VSIG10L: variants seen among roughly 807,000 people sequenced by gnomAD.
VSIG10L encodes V-set and immunoglobulin domain-containing protein 10-like.
In VSIG10L, 63 loss-of-function variants were observed where a neutral mutation model predicts 67.3. That is an observed-to-expected ratio of 0.94 (90% CI 0.76 to 1.15). VSIG10L has a LOEUF of 1.15. Among genes scored for constraint, VSIG10L ranks in the 50% most tolerant of loss-of-function variants. VSIG10L has a pLI of 0.00. For synonymous variants in VSIG10L, 499 were observed against 524.9 expected (o/e 0.95, Z 0.67); for missense variants, 1,050 against 1,177.5 (o/e 0.89, Z 1.58).
In VSIG10L at chr19:51,341,864, C is replaced by T; in HGVS notation, c.184G>A (p.Val62Ile). 6.4e-7 allele frequency: 1 copy of T among 1,551,666 alleles called. No homozygotes were observed. The highest frequency in any genetic ancestry group is 1.4e-5 in the African/African-American group (1 of 73,146). ...VPSIKPPSWK[V>I]PDQFLDSKAS... ...TTTGAATCCAGGAACTGATCTGGAACTTTCCAGCTGGGAGGTTTGATGGAG... is the reference window on the plus strand; with the variant it reads ...TTTGAATCCAGGAACTGATCTGGAATTTTCCAGCTGGGAGGTTTGATGGAG... The change falls in exon 2 of 10, where the codon GTT becomes ATT. Residue 62 changes from valine to isoleucine, a missense_variant. Transcript: ENST00000335624.
chr19:51,338,887 C>T lies in VSIG10L; in HGVS notation c.1729+1G>A. 1 of 1,388,300 alleles carries T rather than the reference C, an allele frequency of 7.2e-7. No individual in the cohort carries two copies. 86.0% of individuals were successfully genotyped at this position (1,388,300 alleles called of 1,614,324 possible). A position where few individuals can be genotyped will look rare whatever the true frequency, so the allele number is the denominator to read the frequency against. ...AGCAAAAAAGCCCCGCGCCCTCTCA[C>T]CCGGCGTGACTGTGCAGGTACGCGT... On this transcript the variant is annotated splice_donor_variant, in intron 5 of 9. Transcript: ENST00000335624. LOFTEE classifies it high-confidence loss of function.
rs571601038 is a variant in VSIG10L at position 51,334,682 on chromosome 19, C to T, written c.2306-378G>A. ...GGGGGACAGGTGTGGTGGCTCACAC[C>T]TGTGATTCCCAACACTTTGGGAGGT... On this transcript the variant is annotated intron_variant, in intron 7 of 9. Coordinates refer to ENST00000335624, the MANE Select transcript of VSIG10L (RefSeq NM_001163922.3). Among the ~76,000 whole-genome samples, 3 of 152,264 alleles carry T rather than the reference C, an allele frequency of 2.0e-5. No homozygotes were observed. In the East Asian group the frequency reaches 5.8e-4, roughly 29 times the overall value.
At position 51,340,737 on chromosome 19, in the gene VSIG10L, G is replaced by A; in HGVS notation, c.896-11C>T. 2 of 1,480,132 alleles carry A rather than the reference G, an allele frequency of 1.4e-6. No individual in the cohort carries two copies. Among genetic ancestry groups the A allele is most frequent in the Non-Finnish European group, 1.8e-6 (2 of 1,118,172 alleles). 91.7% of individuals were successfully genotyped at this position (1,480,132 alleles called of 1,614,324 possible). ...GCTGGGGTAGGGGCTCTGGGAGAGG[G>A]AGAATGGGCTCAGGACCCACCCAGT... On this transcript the variant is annotated splice_polypyrimidine_tract_variant and intron_variant, in intron 2 of 9. Coordinates refer to ENST00000335624, the MANE Select transcript of VSIG10L (RefSeq NM_001163922.3). This position sits in a 1 kb window ranked among gnomAD's most constrained non-coding sequence, Gnocchi z 6.3.
intron 7 of VSIG10L, 124 bp downstream of exon 7, chr19:51,337,114 T>C: frequency 8.1e-7 from 1 of 1,237,068 alleles, no homozygotes; most frequent in South Asian, 1.6e-5. Context: ...AGAGAAGAAA[T>C]TCCTGTAGTC....
chr19:51,338,919 C>T lies in VSIG10L; in HGVS notation c.1698G>A (p.Leu566=), dbSNP rs763818812. ...GVPITCLARH[L]VATRTCTVTP... The stretch of plus-strand genomic sequence containing the variant: ...TGACTGTGCAGGTACGCGTGGCCAC[C>T]AGGTGGCGAGCAAGGCAGGTGATGG... Residue 566 remains leucine, a synonymous_variant, in exon 5 of 10, where the codon CTG becomes CTA. Transcript: ENST00000335624. 13 of 1,444,232 alleles carry T rather than the reference C, an allele frequency of 9.0e-6. No homozygotes were observed. In the South Asian group the frequency reaches 1.7e-4, roughly 19 times the overall value. The allele number at this position is 1,444,232 out of a possible 1,614,324, so 89.5% of individuals were successfully genotyped here.
Position 51,337,370 on chromosome 19 carries a change from T to G in VSIG10L, c.2173A>C (p.Ile725Leu). 9 of 1,551,620 alleles carry G rather than the reference T, an allele frequency of 5.8e-6. No homozygotes were observed. The highest frequency in any genetic ancestry group is 1.2e-5 in the South Asian group (1 of 84,056). ...GCTGACCGCTCCTGAGGCCCCAGGA[T>G]GAGCAGGGAGACCCAGTCCCTGTAG... is the stretch of plus-strand genomic sequence containing the variant. Reference protein sequence around the residue: ...STYRDWVSLLILGPQERSAVV... With the variant: ...STYRDWVSLLLLGPQERSAVV... The change falls in exon 7 of 10, where the codon ATC becomes CTC. Residue 725 changes from isoleucine (I) to leucine (L), a missense_variant. Ile to Leu is a conservative substitution (Grantham distance 5, BLOSUM62 2). Coordinates refer to ENST00000335624, the MANE Select transcript of VSIG10L (RefSeq NM_001163922.3).
Position 51,340,698 on chromosome 19 carries a change from G to A in VSIG10L, c.924C>T (p.Pro308=), listed in dbSNP as rs1985616108. The A allele has an allele frequency of 1.3e-6, 2 of 1,513,580 alleles. No homozygotes were observed. The highest frequency in any genetic ancestry group is 8.8e-7 in the Non-Finnish European group (1 of 1,134,184). The allele number at this position is 1,513,580 out of a possible 1,614,324, so 93.8% of individuals were successfully genotyped here. Residue 308 remains proline, a synonymous_variant, in exon 3 of 10, where the codon CCC becomes CCT. Transcript: ENST00000335624. This position sits in a 1 kb window ranked among gnomAD's most constrained non-coding sequence, Gnocchi z 6.3. ...CCCCCTCCTCTGTCTCTGGAGCCTT[G>A]GGCTGAACCGACAGCTGGGGTAGGG... ...YEPLPQLSVQ[P]KAPETEEGAA...
At chr19:51,333,672 C>T (rs1985409423) in intron 9 of VSIG10L, 119 bp downstream of exon 9, 1 of 1,233,956 alleles carries the variant, frequency 8.1e-7, no homozygotes, top group African/African-American at 1.5e-5. Context: ...TAAAGTTATA[C>T]AGACTGTAAA....
At chr19:51,333,660 G>A (rs1399502050) in intron 9 of VSIG10L, 131 bp downstream of exon 9, 8 of 1,129,096 alleles carry the variant, frequency 7.1e-6, no homozygotes, top group Non-Finnish European at 9.5e-6. Context: ...TTTTAAAAAG[G>A]ATAAAGTTAT....
chr19:51,341,266 C>T lies in VSIG10L; in HGVS notation c.782G>A (p.Arg261Gln), dbSNP rs763970166. The T allele has an allele frequency of 1.7e-5, 26 of 1,550,148 alleles. No individual in the cohort carries two copies. Among genetic ancestry groups the T allele is most frequent in the South Asian group, 1.4e-4 (12 of 84,048 alleles). ...GGCAGAGGCGAGCTCCAGAACCCCCCGGGCCTGGTCAAATCGCAGGTGGTC... is the reference window on the plus strand; with the variant it reads ...GGCAGAGGCGAGCTCCAGAACCCCCTGGGCCTGGTCAAATCGCAGGTGGTC... ...HRDHLRFDQA[R>Q]GVLELASAQL... is the part of the protein sequence containing the mutation. The change falls in exon 2 of 10, where the codon CGG becomes CAG. Residue 261 changes from arginine (R) to glutamine (Q), a missense_variant. By Grantham distance (43) the Arg-to-Gln change is conservative (BLOSUM62 1). Coordinates refer to ENST00000335624, the MANE Select transcript of VSIG10L (RefSeq NM_001163922.3).
chr19:51,341,627 G>C lies in VSIG10L; in HGVS notation c.421C>G (p.Pro141Ala), dbSNP rs1460184298. Reference protein sequence around the residue: ...DPKPSFTVKTPASNISTQVSH... With the variant: ...DPKPSFTVKTAASNISTQVSH... ...ACTTGAGTAGAAATGTTTGAAGCTG[G>C]GGTCTTAACAGTGAAGGAAGGCTTG... is the stretch of plus-strand genomic sequence containing the variant. Residue 141 changes from proline (P) to alanine (A), a missense_variant, in exon 2 of 10, where the codon CCA becomes GCA. This residue lies in a region of VSIG10L where 511 missense variants were observed against 557.9 expected (regional missense o/e 0.92). Transcript: ENST00000335624. 3.2e-6 allele frequency: 5 copies of C among 1,551,732 alleles called. No individual in the cohort carries two copies. Among genetic ancestry groups the C allele is most frequent in the Non-Finnish European group, 4.4e-6 (5 of 1,147,002 alleles).
chr19:51,337,120 T>C, intron 7 of VSIG10L, 118 bp downstream of exon 7: 1 of 1,255,834 alleles, frequency 8.0e-7, no homozygotes, highest in Non-Finnish European at 1.1e-6. Flanking sequence ...GAAATTCCTG[T>C]AGTCTCAAGC....
Position 51,332,521 on chromosome 19 carries a change from G to C in VSIG10L, c.*90C>G, listed in dbSNP as rs1289757523. 1 of 1,455,570 alleles carries C rather than the reference G, an allele frequency of 6.9e-7. No individual in the cohort carries two copies. Among genetic ancestry groups the C allele is most frequent in the Non-Finnish European group, 9.4e-7 (1 of 1,059,904 alleles). The allele number at this position is 1,455,570 out of a possible 1,614,324, so 90.2% of individuals were successfully genotyped here. A position where few individuals can be genotyped will look rare whatever the true frequency, so the allele number is the denominator to read the frequency against. On this transcript the variant is annotated 3_prime_UTR_variant, in exon 10 of 10. Coordinates refer to ENST00000335624, the MANE Select transcript of VSIG10L (RefSeq NM_001163922.3). Reference sequence around the variant, plus strand: ...CCCTGGCTGCTGCTGGAGTGAAATAGGAAGTTCTGGCCCAAAACGCCCTGT... The same window carrying C: ...CCCTGGCTGCTGCTGGAGTGAAATACGAAGTTCTGGCCCAAAACGCCCTGT...
chr19:51,333,849 G>T lies in VSIG10L; in HGVS notation c.2516C>A (p.Ser839Ter). Residue 839 changes from serine (S) to a stop codon, truncating the protein, a stop_gained, in exon 9 of 10, where the codon TCA becomes TAA. Transcript: ENST00000335624. LOFTEE classifies it high-confidence loss of function. ...AGGGACTTTGAGGTCCAGAGGCCAT[G>T]AAATCTCCACTGGGGTCACACTATG... ...KMHSVTPVEI[S>*]WPLDLKVPLE... The T allele has an allele frequency of 1.3e-6, 2 of 1,551,720 alleles. No homozygotes were observed. The highest frequency in any genetic ancestry group is 1.7e-6 in the Non-Finnish European group (2 of 1,146,998).
In VSIG10L at chr19:51,335,502, G is replaced by A. The variant is rs377584468; in HGVS notation, c.2306-1198C>T. Among the ~76,000 whole-genome samples, 5 of 152,294 alleles carry A rather than the reference G, an allele frequency of 3.3e-5. 1 individual carries two copies. The highest frequency in any genetic ancestry group is 6.5e-5 in the Admixed American group (1 of 15,290). The stretch of plus-strand genomic sequence containing the variant: ...GCAATTAGGATGTCAGGGGTGATGT[G>A]GCCTGTAAGTGGTGACATTTATGAG... On this transcript the variant is annotated intron_variant, in intron 7 of 9. Coordinates refer to ENST00000335624, the MANE Select transcript of VSIG10L (RefSeq NM_001163922.3).
intron 5 of VSIG10L, 85 bp downstream of exon 5, chr19:51,338,803 C>T (rs1165042060): frequency 1.5e-6 from 2 of 1,321,448 alleles, no homozygotes; most frequent in South Asian, 2.0e-5. Context: ...GGACGTACCC[C>T]ATACCCCTTC....
chr19:51,332,609 G>A lies in VSIG10L; in HGVS notation c.*2C>T, dbSNP rs1408909451. The A allele has an allele frequency of 5.8e-5, 90 of 1,541,894 alleles. No homozygotes were observed. Among genetic ancestry groups the A allele is most frequent in the Non-Finnish European group, 6.7e-5 (77 of 1,144,964 alleles). On this transcript the variant is annotated 3_prime_UTR_variant, in exon 10 of 10. Transcript: ENST00000335624. ...CTGCGCGAACAGTCTTTGAGCCTCC[G>A]CCTACAGAGACAACTGAACTGGGGT... is the stretch of plus-strand genomic sequence containing the variant.
Position 51,341,227 on chromosome 19 carries a change from GC to G in VSIG10L, c.820del (p.Ala274GlnfsTer61). 6.4e-7 allele frequency: 1 copy of G among 1,550,950 alleles called. No homozygotes were observed. The highest frequency in any genetic ancestry group is 8.7e-7 in the Non-Finnish European group (1 of 1,146,860). On this transcript the variant is annotated frameshift_variant, in exon 2 of 10. Transcript: ENST00000335624. LOFTEE classifies it high-confidence loss of function. Reference protein sequence around the residue: ...LELASAQLDDAGVYTAEVIRA... With the variant: ...LELASAQLDDXGVYTAEVIRA... ...GATGACCTCAGCCGTGTAGACCCCT[GC>G]ATCGTCCAGCTGGGCAGAGGCGAGC...
Position 51,338,107 on chromosome 19 carries a change from C to A in VSIG10L, c.1831G>T (p.Ala611Ser). The A allele has an allele frequency of 6.4e-7, 1 of 1,550,498 alleles. No individual in the cohort carries two copies. The highest frequency in any genetic ancestry group is 8.7e-7 in the Non-Finnish European group (1 of 1,146,498). The part of the protein sequence containing the change: ...EASGCPPPSR[A>S]SWAREGRPLA... ...GGCCTCCCTTCCCGGGCCCAGGATG[C>A]CCGTGAGGGTGGGGGACAACCAGAG... The change falls in exon 6 of 10, where the codon GCA (alanine) becomes TCA (serine). Residue 611 changes from alanine to serine, a missense_variant. This residue lies in a region of VSIG10L where 529 missense variants were observed against 584.9 expected (regional missense o/e 0.90). Coordinates refer to ENST00000335624, the MANE Select transcript of VSIG10L (RefSeq NM_001163922.3).
Sources: gnomAD v4.1 joint callset for allele counts (sites outside exome capture counted in the v4.1 genomes callset) on GRCh38, gnomAD v4.1.1 for gene constraint, gnomAD v4.1.1 regional missense constraint, Gnocchi (gnomAD v3.1) non-coding constraint, MANE v1.5 for transcripts, NCBI Gene and HGNC (gene_info 2026-07-23, HGNC 2026-07-21) for gene names.